PDE10A: variants seen among roughly 807,000 people sequenced by gnomAD.
PDE10A encodes cAMP and cAMP-inhibited cGMP 3',5'-cyclic phosphodiesterase 10A.
Under a neutral mutation model 97.7 loss-of-function variants are expected in PDE10A, and 39 were observed. The ratio of observed to expected loss-of-function variants is 0.40; its 90% CI spans 0.31 to 0.52. PDE10A has a LOEUF of 0.52. Among genes scored for constraint, PDE10A ranks in the 20% least tolerant of loss-of-function variants. The pLI is 0.56. For synonymous variants in PDE10A, 371 were observed against 376.8 expected, an observed-to-expected ratio of 0.98 and a Z score of 0.18; for missense variants, 731 against 1,047.8, an observed-to-expected ratio of 0.70 and a Z score of 4.17.
intron 2 of PDE10A, among the ~76,000 whole-genome samples, chr6:165,531,544 A>T (rs764267891): frequency 9.2e-5 from 14 of 152,182 alleles, no homozygotes; most frequent in Non-Finnish European, 1.5e-4. Flanking sequence ...GAACAAAAAC[A>T]GAAGTTGGGG....
intron 1 of PDE10A, among the ~76,000 whole-genome samples, chr6:165,736,028 C>T (rs557271209): frequency 8.0e-4 from 122 of 152,206 alleles, no homozygotes; most frequent in African/African-American, 2.6e-3. Flanking sequence ...GACTTTTTTA[C>T]GCTATTATTC....
intron 5 of PDE10A, among the ~76,000 whole-genome samples, chr6:165,447,540 G>T (rs73788391): frequency 2.6e-5 from 4 of 152,030 alleles, no homozygotes. Flanking sequence ...CATTCCACAC[G>T]TATCAGCCAA....
chr6:165,795,232 A>G (rs1266056921), intron 1 of PDE10A, among the ~76,000 whole-genome samples: 1 of 151,886 alleles, frequency 6.6e-6, no homozygotes, highest in African/African-American at 2.4e-5. Flanking sequence ...TCTCTTCTCT[A>G]CTTTTCTGTG....
intron 1 of PDE10A, among the ~76,000 whole-genome samples, chr6:165,801,270 T>C (rs1778980590): frequency 6.6e-6 from 1 of 152,176 alleles, no homozygotes; most frequent in South Asian, 2.1e-4. Context: ...TCAGGCCAGG[T>C]GTGGTGGCTC....
At chr6:165,551,429 A>G (rs1387347202) in intron 1 of PDE10A, among the ~76,000 whole-genome samples, 1 of 152,240 alleles carries the variant, frequency 6.6e-6, no homozygotes, top group Non-Finnish European at 1.5e-5. Flanking sequence ...TATGTTATAC[A>G]CGTTACACAT....
chr6:165,944,725 C>T (rs185851713), intron 1 of PDE10A, among the ~76,000 whole-genome samples: 3 of 152,286 alleles, frequency 2.0e-5, no homozygotes, highest in East Asian at 1.9e-4. Flanking sequence ...GGCCCACTCA[C>T]GTTCACATAT....
At chr6:165,841,063 T>C (rs1780244391) in intron 1 of PDE10A, among the ~76,000 whole-genome samples, 1 of 152,262 alleles carries the variant, frequency 6.6e-6, no homozygotes, top group South Asian at 2.1e-4. Context: ...GCTCTCAGCA[T>C]GGTACTTTGT....
chr6:165,405,421 A>AATGAAT (rs1172133625), intron 13 of PDE10A, among the ~76,000 whole-genome samples: 5 of 152,252 alleles, frequency 3.3e-5, no homozygotes, highest in Admixed American at 3.3e-4. Flanking sequence ...TTGAAATTTT[A>AATGAAT]TAAAATTGGC....
chr6:165,431,418 T>C lies in PDE10A; in HGVS notation c.1542+4A>G, dbSNP rs760794391. On this transcript the variant is annotated splice_donor_region_variant and intron_variant, in intron 8 of 21. Coordinates refer to ENST00000539869, the MANE Select transcript of PDE10A (RefSeq NM_001385079.1). Reference sequence around the variant, plus strand: ...GCCCCTGCAAAAACACCCCAAAGACTCACCTGCACCTGATGTATTGCTACT... The same window carrying C: ...GCCCCTGCAAAAACACCCCAAAGACCCACCTGCACCTGATGTATTGCTACT... 1 of 1,591,594 alleles carries C rather than the reference T, an allele frequency of 6.3e-7. No homozygotes were observed. Among genetic ancestry groups the C allele is most frequent in the Admixed American group, 1.7e-5 (1 of 58,828 alleles).
rs1423473397 is a variant in PDE10A at position 165,328,446 on chromosome 6, T to A, written c.*4579A>T. The A allele has an allele frequency of 1.3e-5, 2 of 152,210 alleles. No homozygotes were observed. The highest frequency in any genetic ancestry group is 1.5e-5 in the Non-Finnish European group (1 of 68,044). The allele number at this position is 152,210 out of a possible 1,614,324, so 9.4% of individuals were successfully genotyped here. A position where few individuals can be genotyped will look rare whatever the true frequency, so the allele number is the denominator to read the frequency against. ...GAAAACTGAAATATGTAAACTGACT[T>A]CCCTACTTAGTAAGCCCTGGATTCA... On this transcript the variant is annotated 3_prime_UTR_variant, in exon 22 of 22. Coordinates refer to ENST00000539869, the MANE Select transcript of PDE10A (RefSeq NM_001385079.1).
chr6:165,490,705 G>A (rs576912024), intron 2 of PDE10A, among the ~76,000 whole-genome samples: 111 of 152,302 alleles, frequency 7.3e-4, no homozygotes, highest in African/African-American at 2.5e-3. Flanking sequence ...GGTGGTTCAT[G>A]CCAGTTGGGG....
intron 1 of PDE10A, among the ~76,000 whole-genome samples, chr6:165,698,372 G>T (rs1260963952): frequency 6.6e-6 from 1 of 151,980 alleles, no homozygotes; most frequent in Non-Finnish European, 1.5e-5. Flanking sequence ...CCCTAATAAA[G>T]GCTAACACAT....
chr6:165,606,154 A>G (rs1390198782), intron 1 of PDE10A, among the ~76,000 whole-genome samples: 1 of 26,322 alleles, frequency 3.8e-5, no homozygotes, highest in Non-Finnish European at 1.3e-4. Flanking sequence ...CGAACAAGCG[A>G]AAAAAAAAAA....
At chr6:165,470,626 T>C (rs757727034) in intron 3 of PDE10A, among the ~76,000 whole-genome samples, 2 of 152,212 alleles carry the variant, frequency 1.3e-5, no homozygotes, top group Non-Finnish European at 2.9e-5. Flanking sequence ...TCTGTTGTAT[T>C]TGGTTACGCT....
chr6:165,894,161 A>G (rs370658542), intron 1 of PDE10A: 7 of 370,028 alleles, frequency 1.9e-5, no homozygotes, highest in East Asian at 1.5e-4. Flanking sequence ...TCAATATGAC[A>G]GCTGATTTAG....
chr6:165,426,877 C>G (rs74569002), intron 10 of PDE10A, among the ~76,000 whole-genome samples: 6,449 of 152,162 alleles, frequency 0.042, 179 homozygotes, highest in Middle Eastern at 0.089. Context: ...AAAAGATACT[C>G]AACATCATTA....
At chr6:165,565,760 G>A (rs999926421) in intron 1 of PDE10A, among the ~76,000 whole-genome samples, 4 of 152,100 alleles carry the variant, frequency 2.6e-5, no homozygotes, top group Admixed American at 6.5e-5. Flanking sequence ...AAAACAGAGA[G>A]CCTATAAACA....
At chr6:165,786,118 G>A (rs922586576) in intron 1 of PDE10A, among the ~76,000 whole-genome samples, 2 of 152,206 alleles carry the variant, frequency 1.3e-5, no homozygotes, top group African/African-American at 2.4e-5. Flanking sequence ...GATTTATTGA[G>A]TCTGCTGCAT....
intron 1 of PDE10A, among the ~76,000 whole-genome samples, chr6:165,571,652 G>C (rs1192776345): frequency 1.3e-5 from 2 of 152,122 alleles, no homozygotes; most frequent in Non-Finnish European, 2.9e-5. Flanking sequence ...TCACCTCTTA[G>C]GCAAACTGAG....
Sources: gnomAD v4.1 joint callset for allele counts (sites outside exome capture counted in the v4.1 genomes callset) on GRCh38, gnomAD v4.1.1 for gene constraint, MANE v1.5 for transcripts, NCBI Gene and HGNC (gene_info 2026-07-23, HGNC 2026-07-21) for gene names.